Variants in POR observed in about 807,000 individuals in gnomAD.
The protein encoded by POR is NADPH--cytochrome P450 reductase.
In POR, 56 loss-of-function variants were observed where a neutral mutation model predicts 84.0. The ratio of observed to expected loss-of-function variants is 0.67; its 90% CI spans 0.54 to 0.83. POR has a LOEUF of 0.83. Among genes scored for constraint, POR ranks in the 40% least tolerant of loss-of-function variants. The pLI, the probability that POR is intolerant of heterozygous loss-of-function variation, is 0.00. For synonymous variants in POR, 414 were observed against 400.5 expected, an observed-to-expected ratio of 1.03 and a Z score of -0.40; for missense variants, 938 against 944.3, an observed-to-expected ratio of 0.99 and a Z score of 0.09.
In POR at chr7:75,985,854, G is replaced by C. The variant is rs782407937; in HGVS notation, c.1669+5G>C. On this transcript the variant is annotated splice_donor_5th_base_variant and intron_variant, in intron 13 of 15. Coordinates refer to ENST00000461988, the MANE Select transcript of POR (RefSeq NM_000941.3). ...GGGCCTGGCTGCGACAGCAGGGTGA[G>C]TGGGGTCCCATGGGGGAGAGGGGGT... The C allele has an allele frequency of 4.5e-5, 70 of 1,551,006 alleles. No homozygotes were observed. Among genetic ancestry groups the C allele is most frequent in the Non-Finnish European group, 5.9e-5 (67 of 1,144,980 alleles).
chr7:75,923,013 G>A (rs1173535103), intron 1 of POR: 1 of 673,626 alleles, frequency 1.5e-6, no homozygotes, highest in Non-Finnish European at 2.7e-6. Context: ...AACATTCCTT[G>A]GCCTTTGTTG....
chr7:75,981,320 G>C, intron 6 of POR, 148 bp downstream of exon 6: 1 of 1,336,284 alleles, frequency 7.5e-7, no homozygotes, highest in Non-Finnish European at 1.0e-6. Context: ...CCTCTGCCCT[G>C]CCCCTGCCAG....
chr7:75,962,778 A>C (rs1554554683), intron 2 of POR, among the ~76,000 whole-genome samples: 1 of 152,174 alleles, frequency 6.6e-6, no homozygotes, highest in African/African-American at 2.4e-5. Flanking sequence ...GCAACTGCCA[A>C]TCTTATTTCT....
intron 1 of POR, among the ~76,000 whole-genome samples, chr7:75,948,452 G>C (rs145123449): frequency 6.6e-6 from 1 of 152,150 alleles, no homozygotes; most frequent in Non-Finnish European, 1.5e-5. Context: ...TTCGTTTTGC[G>C]TGTTAGTTTC....
chr7:75,981,403 G>C, intron 6 of POR, 114 bp from the exon 7 acceptor site: 1 of 1,244,916 alleles, frequency 8.0e-7, no homozygotes, highest in Non-Finnish European at 1.1e-6. Context: ...GGTGCCCCAG[G>C]GTGCACAGTC....
intron 1 of POR, among the ~76,000 whole-genome samples, chr7:75,938,446 T>G (rs1807806500): frequency 6.6e-6 from 1 of 152,180 alleles, no homozygotes; most frequent in South Asian, 2.1e-4. Flanking sequence ...CCTTACGCAC[T>G]CATCTGGGTG....
Position 75,985,610 on chromosome 7 carries a change from T to G in POR, c.1430T>G (p.Val477Gly), listed in dbSNP as rs781929293. ...CCCAACTCTGTGCACATCTGTGCGG[T>G]GGTTGTGGAGTACGAGACCAAGGCT... The change falls in exon 13 of 16, where the codon GTG becomes GGG. Residue 477 changes from valine (V) to glycine (G), a missense_variant. Coordinates refer to ENST00000461988, the MANE Select transcript of POR (RefSeq NM_000941.3). 28 of 1,580,840 alleles carry G rather than the reference T, an allele frequency of 1.8e-5. No homozygotes were observed. Among genetic ancestry groups the G allele is most frequent in the Non-Finnish European group, 1.6e-5 (19 of 1,162,062 alleles).
chr7:75,937,552 G>T (rs1230206882), intron 1 of POR, among the ~76,000 whole-genome samples: 1 of 151,568 alleles, frequency 6.6e-6, no homozygotes, highest in Non-Finnish European at 1.5e-5. Context: ...GAAGGCTGAG[G>T]GGGTGGATCA....
rs782227760 is a variant in POR, at chr7:75,980,523, G to A, written c.516+35G>A. ...CCAGAGACTGCTATGGGCTCCCGGT[G>A]GCCTGCGGTGCCTCCCTGGGGACTC... On this transcript the variant is annotated intron_variant, in intron 5 of 15. Coordinates refer to ENST00000461988, the MANE Select transcript of POR (RefSeq NM_000941.3). The A allele has an allele frequency of 8.7e-6, 14 of 1,612,540 alleles. No homozygotes were observed. The African/African-American group carries it at 1.9e-4, about 22-fold the overall frequency.
chr7:75,983,529 T>C lies in POR; in HGVS notation c.840T>C (p.Asp280=). 6.2e-7 allele frequency: 1 copy of C among 1,612,602 alleles called. No individual in the cohort carries two copies. The highest frequency in any genetic ancestry group is 8.5e-7 in the Non-Finnish European group (1 of 1,179,548). The change falls in exon 9 of 16, where the codon GAT becomes GAC. Residue 280 remains aspartate (D), a synonymous_variant. Coordinates refer to ENST00000461988, the MANE Select transcript of POR (RefSeq NM_000941.3). ...TCTCCTCCCCACCCAGCCCCTTTGA[T>C]GCCAAGAATCCGTTCCTGGCTGCAG...
rs1200833805 is a variant in POR, at chr7:75,923,065, A to G, written c.-5+7886A>G. The G allele has an allele frequency of 1.1e-4, 73 of 688,372 alleles. No individual in the cohort carries two copies. The Admixed American group carries it at 1.4e-3, about 13-fold the overall frequency. 42.6% of individuals were successfully genotyped at this position (688,372 alleles called of 1,614,324 possible). ...TGATGGTGTGAGTTTACTGGTGCGG[A>G]GAGCCATTGCAAGACTTAAACCTAA... On this transcript the variant is annotated intron_variant, in intron 1 of 15. Coordinates refer to ENST00000461988, the MANE Select transcript of POR (RefSeq NM_000941.3).
chr7:75,950,983 C>T (rs371204223), intron 1 of POR, among the ~76,000 whole-genome samples: 18 of 145,964 alleles, frequency 1.2e-4, no homozygotes, highest in Non-Finnish European at 2.2e-4. Context: ...TGCTTGAATC[C>T]GGGAGGCAGA....
chr7:75,976,520 G>A (rs544818723), intron 3 of POR, among the ~76,000 whole-genome samples: 9 of 151,400 alleles, frequency 5.9e-5, no homozygotes, highest in East Asian at 3.9e-4. Context: ...TGAGACGGGC[G>A]GATCACCTGA....
intron 2 of POR, among the ~76,000 whole-genome samples, chr7:75,956,327 A>G (rs1003712486): frequency 1.3e-5 from 2 of 152,150 alleles, no homozygotes; most frequent in Admixed American, 6.5e-5. Flanking sequence ...ACTGGGTTCA[A>G]TCTTATCTCC....
intron 1 of POR, among the ~76,000 whole-genome samples, chr7:75,950,443 G>A (rs782411048): frequency 1.3e-5 from 2 of 152,170 alleles, no homozygotes; most frequent in African/African-American, 4.8e-5. Flanking sequence ...GACAGGGAGC[G>A]CGAGTTTCTT....
chr7:75,978,113 C>T (rs535664948), intron 3 of POR, among the ~76,000 whole-genome samples: 1 of 152,262 alleles, frequency 6.6e-6, no homozygotes, highest in East Asian at 1.9e-4. Context: ...CCAGAATGCC[C>T]CATTTAGGGA....
intron 1 of POR, among the ~76,000 whole-genome samples, chr7:75,930,649 A>G (rs1277387160): frequency 2.0e-5 from 3 of 151,932 alleles, no homozygotes; most frequent in Non-Finnish European, 2.9e-5. Context: ...CAGCCTCCCA[A>G]GTAGCTGGAA....
chr7:75,966,773 C>T (rs782714842), intron 2 of POR, among the ~76,000 whole-genome samples: 4 of 152,124 alleles, frequency 2.6e-5, no homozygotes, highest in Admixed American at 1.3e-4. Context: ...GTGCTTTTCC[C>T]GCCCTCCCTC....
intron 1 of POR, among the ~76,000 whole-genome samples, chr7:75,951,498 G>A (rs1195423343): frequency 6.6e-6 from 1 of 152,208 alleles, no homozygotes; most frequent in Non-Finnish European, 1.5e-5. Flanking sequence ...AAGCTTGCGG[G>A]CCTGTTCTGA....
Sources: allele counts gnomAD v4.1 joint callset (sites outside exome capture counted in the v4.1 genomes callset), GRCh38; gene constraint gnomAD v4.1.1; transcripts MANE v1.5; gene names NCBI Gene and HGNC (gene_info 2026-07-23, HGNC 2026-07-21).